GNB4: variants seen among roughly 807,000 people sequenced by gnomAD.
The protein encoded by GNB4 is guanine nucleotide-binding protein subunit beta-4.
A neutral mutation model predicts 45.2 loss-of-function variants in GNB4; 28 were observed. That is an observed-to-expected ratio of 0.62 (90% CI 0.46 to 0.85). GNB4 has a LOEUF of 0.85. GNB4 is among the 40% of genes least tolerant of loss of function. GNB4 has a pLI of 0.00. For synonymous variants in GNB4, 132 were observed against 143.7 expected, an observed-to-expected ratio of 0.92 and a Z score of 0.58; for missense variants, 321 against 425.4, an observed-to-expected ratio of 0.75 and a Z score of 2.16.
intron 9 of GNB4, among the ~76,000 whole-genome samples, chr3:179,402,030 C>G (rs1214370471): frequency 6.6e-6 from 1 of 152,140 alleles, no homozygotes; most frequent in Admixed American, 6.5e-5. Context: ...TTTGCATTCT[C>G]TCTCTCTATT....
At chr3:179,410,074 C>T (rs1187382063) in intron 8 of GNB4, among the ~76,000 whole-genome samples, 2 of 152,142 alleles carry the variant, frequency 1.3e-5, no homozygotes, top group African/African-American at 4.8e-5. Context: ...CATTCTCTCT[C>T]CTGCTGCCCT....
At chr3:179,435,502 A>G (rs1715421689) in intron 1 of GNB4, among the ~76,000 whole-genome samples, 1 of 148,394 alleles carries the variant, frequency 6.7e-6, no homozygotes, top group African/African-American at 2.5e-5. Context: ...TCAGAAGGGG[A>G]CAATGTAATC....
intron 1 of GNB4, among the ~76,000 whole-genome samples, chr3:179,427,214 G>A (rs1309723802): frequency 6.6e-6 from 1 of 151,922 alleles, no homozygotes; most frequent in Non-Finnish European, 1.5e-5. Context: ...TAGCACATGT[G>A]CACCCAAACA....
At chr3:179,422,248 G>C (rs992193498) in intron 2 of GNB4, among the ~76,000 whole-genome samples, 1 of 152,092 alleles carries the variant, frequency 6.6e-6, no homozygotes, top group Non-Finnish European at 1.5e-5. Context: ...AAATATGTTA[G>C]CAGCAGTTAT....
the GNB4 span, among the ~76,000 whole-genome samples, chr3:179,510,600 CTT>C: frequency 9.7e-5 from 14 of 144,394 alleles, no homozygotes; most frequent in Non-Finnish European, 1.1e-4. Flanking sequence ...CCTATTTGCT[CTT>C]TTTTTTTTTT....
intron 4 of GNB4, among the ~76,000 whole-genome samples, chr3:179,418,965 T>C (rs902760022): frequency 3.3e-5 from 5 of 152,256 alleles, no homozygotes; most frequent in African/African-American, 4.8e-5. Context: ...GTAAAAGATG[T>C]ATTCAGTACA....
the GNB4 span, chr3:179,464,336 G>T: frequency 1.4e-6 from 1 of 708,822 alleles, no homozygotes; most frequent in East Asian, 2.7e-5. Context: ...CGCAGTCACC[G>T]GCACAGGCTA....
At chr3:179,432,044 A>C (rs2108609466) in intron 1 of GNB4, among the ~76,000 whole-genome samples, 1 of 152,300 alleles carries the variant, frequency 6.6e-6, no homozygotes, top group Non-Finnish European at 1.5e-5. Flanking sequence ...CCCTTCACCA[A>C]GGACTTTTAA....
At chr3:179,472,525 C>A in the GNB4 span, among the ~76,000 whole-genome samples, 6 of 152,024 alleles carry the variant, frequency 3.9e-5, no homozygotes, top group South Asian at 1.2e-3. Context: ...GTGTGTGTCA[C>A]TATACCTGGC....
the GNB4 span, among the ~76,000 whole-genome samples, chr3:179,522,227 C>T: frequency 3.3e-5 from 5 of 152,050 alleles, no homozygotes; most frequent in Non-Finnish European, 5.9e-5. Flanking sequence ...GATGACATTA[C>T]CTTGTGAAAT....
chr3:179,445,095 G>C (rs1479500826), intron 1 of GNB4, among the ~76,000 whole-genome samples: 1 of 151,940 alleles, frequency 6.6e-6, no homozygotes, highest in Admixed American at 6.6e-5. Context: ...TGAGCATAGA[G>C]GCCATTGTCC....
chr3:179,460,478 T>C, the GNB4 span, among the ~76,000 whole-genome samples: 1 of 152,352 alleles, frequency 6.6e-6, no homozygotes, highest in African/African-American at 2.4e-5. Context: ...GTCAGATATG[T>C]ATTAACTCAG....
intron 8 of GNB4, 49 bp from the exon 9 acceptor site, chr3:179,405,455 A>G (rs774766218): frequency 7.9e-7 from 1 of 1,270,792 alleles, no homozygotes; most frequent in Non-Finnish European, 1.1e-6. Flanking sequence ...ATGCACAATC[A>G]TAGGAGGCAA....
At chr3:179,442,751 C>T (rs1715624720) in intron 1 of GNB4, among the ~76,000 whole-genome samples, 1 of 151,848 alleles carries the variant, frequency 6.6e-6, no homozygotes, top group Non-Finnish European at 1.5e-5. Context: ...CTCAGCCTAC[C>T]AAGTTGCTGG....
chr3:179,444,131 G>T (rs1030248754), intron 1 of GNB4, among the ~76,000 whole-genome samples: 4 of 152,016 alleles, frequency 2.6e-5, no homozygotes, highest in African/African-American at 9.7e-5. Context: ...TGCATTAAAA[G>T]GTGAGTCAAC....
At chr3:179,495,329 T>G in the GNB4 span, among the ~76,000 whole-genome samples, 3 of 151,264 alleles carry the variant, frequency 2.0e-5, no homozygotes, top group African/African-American at 7.3e-5. Context: ...TACAAAAAAT[T>G]AGCCAGGTAT....
chr3:179,485,041 C>T, the GNB4 span, among the ~76,000 whole-genome samples: 14 of 127,394 alleles, frequency 1.1e-4, 1 homozygote, highest in South Asian at 3.1e-3. Context: ...GACGGAGTCT[C>T]GCTGTGTTGC....
At chr3:179,406,689 TACA>T (rs1284142409) in intron 8 of GNB4, among the ~76,000 whole-genome samples, 1 of 152,178 alleles carries the variant, frequency 6.6e-6, no homozygotes. Context: ...CTCAGCTCAC[TACA>T]ACTTCTGCCT....
intron 1 of GNB4, among the ~76,000 whole-genome samples, chr3:179,443,061 G>A (rs1363903701): frequency 6.6e-6 from 1 of 152,066 alleles, no homozygotes; most frequent in East Asian, 1.9e-4. Flanking sequence ...ACCATTAAAG[G>A]GTTAGAATAT....
Sources: gnomAD v4.1 joint callset for allele counts (sites outside exome capture counted in the v4.1 genomes callset) on GRCh38, gnomAD v4.1.1 for gene constraint, MANE v1.5 for transcripts, NCBI Gene and HGNC (gene_info 2026-07-23, HGNC 2026-07-21) for gene names.